The following OTUD7A variants were observed in gnomAD, a reference collection of about 807,000 sequenced individuals.
The protein encoded by OTUD7A is OTU deubiquitinase 7A, also known as OTU domain-containing protein 7A.
Under a neutral mutation model 65.7 loss-of-function variants are expected in OTUD7A, and 12 were observed. The observed-to-expected ratio is 0.18, with a 90% CI of 0.12 to 0.30. OTUD7A has a LOEUF of 0.30. OTUD7A is among the 10% of genes least tolerant of loss of function. OTUD7A has a pLI of 1.00. For missense variants in OTUD7A, 1,148 were observed against 1,304.8 expected (o/e 0.88, Z 1.85); for synonymous variants, 641 against 586.3 (o/e 1.09, Z -1.35).
intron 6 of OTUD7A, among the ~76,000 whole-genome samples, chr15:31,529,373 A>C (rs896017702): frequency 3.3e-5 from 5 of 152,216 alleles, no homozygotes; most frequent in Non-Finnish European, 7.3e-5. Context: ...GTAAGGGAAA[A>C]TGTTGGATTC....
chr15:31,640,349 C>T (rs566192554), intron 3 of OTUD7A, among the ~76,000 whole-genome samples: 1 of 152,182 alleles, frequency 6.6e-6, no homozygotes, highest in East Asian at 1.9e-4. Context: ...CAAATCCCCA[C>T]TAAAGAACTT....
At chr15:31,833,100 C>G (rs1361916596) in intron 1 of OTUD7A, among the ~76,000 whole-genome samples, 1 of 152,182 alleles carries the variant, frequency 6.6e-6, no homozygotes, top group Non-Finnish European at 1.5e-5. Context: ...AGTGGCCATC[C>G]TAATGGGTGT....
At chr15:31,644,479 T>TTTAC (rs554220831) in intron 3 of OTUD7A, among the ~76,000 whole-genome samples, 2 of 152,062 alleles carry the variant, frequency 1.3e-5, no homozygotes, top group South Asian at 4.1e-4. Context: ...GAGTGATTTA[T>TTTAC]TTACTTTTAT....
intron 1 of OTUD7A, among the ~76,000 whole-genome samples, chr15:31,747,929 C>T (rs1017806804): frequency 3.9e-5 from 6 of 152,096 alleles, no homozygotes; most frequent in Non-Finnish European, 5.9e-5. Flanking sequence ...TAAGAAACCT[C>T]GGAAAAATCA....
intron 1 of OTUD7A, among the ~76,000 whole-genome samples, chr15:31,683,902 A>G (rs537102516): frequency 2.0e-5 from 3 of 152,322 alleles, no homozygotes; most frequent in Admixed American, 6.5e-5. Flanking sequence ...TGTTTGAGTC[A>G]GAAAGAAACT....
chr15:31,484,791 G>T lies in OTUD7A; in HGVS notation c.1372-67C>A. On this transcript the variant is annotated intron_variant, in intron 12 of 12. Coordinates refer to ENST00000307050, the MANE Select transcript of OTUD7A (RefSeq NM_001382637.1). The surrounding 1 kb of genome is among the most constrained non-coding windows in gnomAD (Gnocchi z 4.5). ...GAGCTGTCCACGCGCCAGCGAGGAAGACACACCTTGCCCCTGTGTTGCCGA... is the reference window on the plus strand; with the variant it reads ...GAGCTGTCCACGCGCCAGCGAGGAATACACACCTTGCCCCTGTGTTGCCGA... 6.5e-7 allele frequency: 1 copy of T among 1,534,392 alleles called. No individual in the cohort carries two copies. Among genetic ancestry groups the T allele is most frequent in the South Asian group, 1.2e-5 (1 of 82,556 alleles).
At chr15:31,583,746 T>C (rs572867996) in intron 3 of OTUD7A, among the ~76,000 whole-genome samples, 2 of 152,218 alleles carry the variant, frequency 1.3e-5, no homozygotes, top group South Asian at 4.1e-4. Flanking sequence ...GTCTCAGATA[T>C]GTCTTTATCA....
chr15:31,589,460 C>CTTG (rs1889651725), intron 3 of OTUD7A, among the ~76,000 whole-genome samples: 1 of 112,876 alleles, frequency 8.9e-6, no homozygotes, highest in Non-Finnish European at 1.7e-5. Flanking sequence ...CTGTCCTGGG[C>CTTG]TTGTTTTTTT....
rs1555425282 is a variant in OTUD7A at position 31,860,677 on chromosome 15, GTATATATATATA to G, written c.-100+9818_-100+9829del. ...TGTGTGTATATATAGATGTATGTGT[GTATATATATATA>G]TATATATATATGTATGTATATATAT... On this transcript the variant is annotated intron_variant, in intron 1 of 12. Transcript: ENST00000307050. 3.3e-4 allele frequency among the ~76,000 whole-genome samples: 24 copies of G among 73,284 alleles called. 2 individuals are homozygous for G. Among genetic ancestry groups the G allele is most frequent in the East Asian group, 1.8e-3 (4 of 2,248 alleles). 48.1% of individuals were successfully genotyped at this position (73,284 alleles called of 152,430 possible). A position where few individuals can be genotyped will look rare whatever the true frequency, so the allele number is the denominator to read the frequency against.
At chr15:31,534,908 C>T (rs1031719904) in intron 5 of OTUD7A, among the ~76,000 whole-genome samples, 1 of 152,072 alleles carries the variant, frequency 6.6e-6, no homozygotes, top group South Asian at 2.1e-4. Flanking sequence ...TAATTTTGAT[C>T]CTCACTTGGT....
intron 1 of OTUD7A, among the ~76,000 whole-genome samples, chr15:31,719,626 C>A (rs954762448): frequency 6.6e-6 from 1 of 152,120 alleles, no homozygotes; most frequent in African/African-American, 2.4e-5. Flanking sequence ...TCCTTGCCAG[C>A]GTCCCTGCCC....
chr15:31,487,070 G>A lies in OTUD7A; in HGVS notation c.1371+124C>T. On this transcript the variant is annotated intron_variant, in intron 12 of 12. Transcript: ENST00000307050. This position sits in a 1 kb window ranked among gnomAD's most constrained non-coding sequence, Gnocchi z 6.0. ...GCTACTGGGCTGTGGGTATGGCTGG[G>A]GTGGGCGGCCGGGCAGGGGCAGGCA... 1.1e-6 allele frequency: 1 copy of A among 905,096 alleles called. No individual in the cohort carries two copies. The highest frequency in any genetic ancestry group is 1.6e-5 in the South Asian group (1 of 63,102). 56.1% of individuals were successfully genotyped at this position (905,096 alleles called of 1,614,324 possible).
At chr15:31,662,583 T>C (rs1305007071) in intron 1 of OTUD7A, among the ~76,000 whole-genome samples, 5 of 152,242 alleles carry the variant, frequency 3.3e-5, no homozygotes, top group Non-Finnish European at 4.4e-5. Flanking sequence ...CTACATTTAC[T>C]GTTCCGGATC....
In OTUD7A at chr15:31,559,876, A is replaced by C. The variant is rs536428945; in HGVS notation, c.332-689T>G. Among the ~76,000 whole-genome samples, 440 of 152,378 alleles carry C rather than the reference A, an allele frequency of 2.9e-3. 5 individuals carry two copies. The highest frequency in any genetic ancestry group is 0.01 in the African/African-American group (418 of 41,588). On this transcript the variant is annotated intron_variant, in intron 4 of 12. Coordinates refer to ENST00000307050, the MANE Select transcript of OTUD7A (RefSeq NM_001382637.1). ...CATGCACACCCATATTCTCTCTGCA[A>C]CAGCCCTTATATCCTACAAGCCTTT...
chr15:31,865,676 G>A (rs544927356), intron 1 of OTUD7A, among the ~76,000 whole-genome samples: 240 of 152,298 alleles, frequency 1.6e-3, no homozygotes, highest in African/African-American at 5.5e-3. Flanking sequence ...ACAGACAGAC[G>A]TCTGCTCTCA....
intron 8 of OTUD7A, among the ~76,000 whole-genome samples, chr15:31,509,391 G>C (rs1595566449): frequency 6.6e-6 from 1 of 151,954 alleles, no homozygotes; most frequent in South Asian, 2.1e-4. Context: ...CCATTCTTTT[G>C]CCTCAGCCTC....
intron 1 of OTUD7A, among the ~76,000 whole-genome samples, chr15:31,812,003 C>T (rs1276183368): frequency 6.6e-6 from 1 of 152,246 alleles, no homozygotes; most frequent in Non-Finnish European, 1.5e-5. Flanking sequence ...CTGGTCACTG[C>T]TGCCTTGCTT....
intron 1 of OTUD7A, among the ~76,000 whole-genome samples, chr15:31,802,085 A>C (rs1397942291): frequency 7.1e-6 from 1 of 141,432 alleles, no homozygotes; most frequent in Non-Finnish European, 1.5e-5. Context: ...CTAATGGAAT[A>C]TATATGTGTG....
At chr15:31,868,799 T>C (rs1195149100) in intron 1 of OTUD7A, among the ~76,000 whole-genome samples, 1 of 152,178 alleles carries the variant, frequency 6.6e-6, no homozygotes, top group African/African-American at 2.4e-5. Flanking sequence ...AAAGCGGCGA[T>C]TTCCACCCAT....
Sources: gnomAD v4.1 joint callset for allele counts (sites outside exome capture counted in the v4.1 genomes callset) on GRCh38, gnomAD v4.1.1 for gene constraint, Gnocchi (gnomAD v3.1) non-coding constraint, MANE v1.5 for transcripts, NCBI Gene and HGNC (gene_info 2026-07-23, HGNC 2026-07-21) for gene names.